Variants in CWH43 observed in about 807,000 individuals in gnomAD.
CWH43 encodes the protein cell wall biogenesis 43 C-terminal homolog.
CWH43 carries 91 observed loss-of-function variants against 85.7 expected under a neutral mutation model. The ratio of observed to expected loss-of-function variants is 1.06; its 90% CI spans 0.90 to 1.26. The LOEUF (loss-of-function observed/expected upper bound fraction) is 1.26, where lower values mean the gene tolerates loss of function less well. Ranked by LOEUF, CWH43 falls within the 50% of genes most tolerant of loss-of-function variation. CWH43 has a pLI of 0.00. For synonymous variants in CWH43, 323 were observed against 293.6 expected (o/e 1.10, Z -1.02); for missense variants, 869 against 839.2 (o/e 1.04, Z -0.44).
intron 8 of CWH43, among the ~76,000 whole-genome samples, chr4:49,013,172 T>C (rs1173441334): frequency 6.6e-6 from 1 of 152,224 alleles, no homozygotes; most frequent in Non-Finnish European, 1.5e-5. Context: ...CTGGCTGCTT[T>C]GTTTACTTAC....
At chr4:49,038,293 C>CACA in intron 13 of CWH43, 113 bp downstream of exon 13, 3 of 814,892 alleles carry the variant, frequency 3.7e-6, no homozygotes, top group Non-Finnish European at 5.7e-6. Context: ...CTATCTACTG[C>CACA]TGCCTAGAAA....
At chr4:49,043,939 CACT>C (rs966392471) in intron 13 of CWH43, among the ~76,000 whole-genome samples, 3 of 151,716 alleles carry the variant, frequency 2.0e-5, no homozygotes, top group African/African-American at 4.8e-5. Context: ...ATGTGTCTAC[CACT>C]AAGCTTAAGA....
chr4:49,038,106 A>T lies in CWH43; in HGVS notation c.1729A>T (p.Ile577Leu). ...KLLKSSSNQV[I>L]FLGYITSAPG... ...ACTGAAAAGTAGCTCTAATCAAGTG[A>T]TATTTCTGGGATATATCACTTCAGC... The change falls in exon 13 of 16, where the codon ATA (isoleucine) becomes TTA (leucine). Residue 577 changes from isoleucine (I) to leucine (L), a missense_variant. Ile to Leu is a conservative substitution (Grantham distance 5). This residue lies in a region of CWH43 where 577 missense variants were observed against 513.1 expected (regional missense o/e 1.12). Coordinates refer to ENST00000226432, the MANE Select transcript of CWH43 (RefSeq NM_025087.3). The T allele has an allele frequency of 1.2e-6, 2 of 1,613,104 alleles. No homozygotes were observed. The highest frequency in any genetic ancestry group is 1.7e-6 in the Non-Finnish European group (2 of 1,179,428).
intron 9 of CWH43, among the ~76,000 whole-genome samples, chr4:49,019,844 T>C (rs1783682960): frequency 6.6e-6 from 1 of 152,118 alleles, no homozygotes; most frequent in South Asian, 2.1e-4. Flanking sequence ...CCTCCCAAAG[T>C]GCTGGGATTA....
chr4:48,986,883 TC>T (rs1782512923), intron 1 of CWH43: 7 of 898,420 alleles, frequency 7.8e-6, no homozygotes, highest in Non-Finnish European at 9.4e-6. Context: ...GCACCCGTTT[TC>T]CCCAGGAGCT....
intron 14 of CWH43, among the ~76,000 whole-genome samples, chr4:49,046,067 T>A (rs1784612785): frequency 6.6e-6 from 1 of 152,062 alleles, no homozygotes; most frequent in Non-Finnish European, 1.5e-5. Context: ...TCTTTTTTAT[T>A]TGTTTATTTA....
At position 49,031,915 on chromosome 4, in the gene CWH43, A is replaced by C. The variant is rs78085378; in HGVS notation, c.1509-651A>C. Among the ~76,000 whole-genome samples the C allele has an allele frequency of 2.4e-3, 371 of 152,294 alleles. 2 individuals are homozygous for C. Among genetic ancestry groups the C allele is most frequent in the Non-Finnish European group, 3.6e-3 (247 of 68,028 alleles). On this transcript the variant is annotated intron_variant, in intron 11 of 15. Transcript: ENST00000226432. ...ATCAGGAGACCTTTAGGTTTGTGCT[A>C]AGTGTGAGATACCCCAAGACAGTCA...
At position 49,050,989 on chromosome 4, in the gene CWH43, T is replaced by TA. The variant is rs1190603622; in HGVS notation, c.2021+144dup. On this transcript the variant is annotated intron_variant, in intron 15 of 15. Coordinates refer to ENST00000226432, the MANE Select transcript of CWH43 (RefSeq NM_025087.3). ...GTAAGGGAGACTGTGACAAAGATGA[T>TA]AAAATCTGGTTTGGGTTGAAGTTAC... 8.4e-6 allele frequency: 5 copies of TA among 591,878 alleles called. No individual in the cohort carries two copies. The East Asian group carries it at 9.2e-5, about 11-fold the overall frequency. 36.7% of individuals were successfully genotyped at this position (591,878 alleles called of 1,614,324 possible).
intron 15 of CWH43, among the ~76,000 whole-genome samples, chr4:49,056,330 AC>A (rs1029607884): frequency 1.3e-5 from 2 of 152,076 alleles, no homozygotes; most frequent in African/African-American, 4.8e-5. Context: ...GATTTTGATT[AC>A]CAGTTCAATT....
chr4:48,991,367 G>T, intron 2 of CWH43, 87 bp from the exon 3 acceptor site: 3 of 1,403,180 alleles, frequency 2.1e-6, no homozygotes, highest in South Asian at 2.6e-5. Context: ...TATAAAGATG[G>T]TATCAGATAA....
chr4:49,048,400 A>G (rs1038248247), intron 14 of CWH43, among the ~76,000 whole-genome samples: 1 of 151,206 alleles, frequency 6.6e-6, no homozygotes, highest in Non-Finnish European at 1.5e-5. Context: ...TATAAAGTAT[A>G]TATATAAAAT....
intron 1 of CWH43, among the ~76,000 whole-genome samples, chr4:48,988,060 A>G (rs1782546445): frequency 6.6e-6 from 1 of 152,174 alleles, no homozygotes; most frequent in Non-Finnish European, 1.5e-5. Flanking sequence ...AGGGAAAGGA[A>G]CACGCAAGGG....
chr4:49,057,820 A>G (rs1459943987), intron 15 of CWH43, among the ~76,000 whole-genome samples: 1 of 152,078 alleles, frequency 6.6e-6, no homozygotes, highest in Non-Finnish European at 1.5e-5. Context: ...ATATATTTAT[A>G]ATTATTATAT....
rs71600797 is a variant in CWH43, at chr4:49,039,306, G to GATATATATATAT, written c.1803+1142_1803+1153dup. On this transcript the variant is annotated intron_variant, in intron 13 of 15. Coordinates refer to ENST00000226432, the MANE Select transcript of CWH43 (RefSeq NM_025087.3). Reference sequence around the variant, plus strand: ...ACACAAATCAAATTCTCAGGAGACTGATATATATATATATATATATATATA... The same window carrying GATATATATATAT: ...ACACAAATCAAATTCTCAGGAGACTGATATATATATATATATATATATATATATATATATATA... Among the ~76,000 whole-genome samples the GATATATATATAT allele has an allele frequency of 1.5e-3, 7 of 4,600 alleles. 1 individual carries two copies. Among genetic ancestry groups the GATATATATATAT allele is most frequent in the South Asian group, 6.8e-3 (1 of 146 alleles). 3.0% of individuals were successfully genotyped at this position (4,600 alleles called of 152,430 possible).
At chr4:49,041,034 G>T (rs1560510404) in intron 13 of CWH43, among the ~76,000 whole-genome samples, 1 of 152,142 alleles carries the variant, frequency 6.6e-6, no homozygotes, top group Non-Finnish European at 1.5e-5. Flanking sequence ...TGTCAGGTTT[G>T]TCAAAGATCA....
rs1295941900 is a variant in CWH43 at position 48,992,889 on chromosome 4, A to G, written c.511+799A>G. On this transcript the variant is annotated intron_variant, in intron 4 of 15. Coordinates refer to ENST00000226432, the MANE Select transcript of CWH43 (RefSeq NM_025087.3). The surrounding 1 kb of genome is among the most constrained non-coding windows in gnomAD (Gnocchi z 4.3). ...CTAGTTTGGCATGAAATGAGAATAGAGGGAAATTATGTCAGTAAATTGGCC... is the reference window on the plus strand; with the variant it reads ...CTAGTTTGGCATGAAATGAGAATAGGGGGAAATTATGTCAGTAAATTGGCC... Among the ~76,000 whole-genome samples, 1 of 152,210 alleles carries G rather than the reference A, an allele frequency of 6.6e-6. No homozygotes were observed. Among genetic ancestry groups the G allele is most frequent in the African/African-American group, 2.4e-5 (1 of 41,450 alleles).
chr4:49,042,273 AG>A (rs1419652088), intron 13 of CWH43, among the ~76,000 whole-genome samples: 1 of 152,198 alleles, frequency 6.6e-6, no homozygotes, highest in East Asian at 1.9e-4. Flanking sequence ...TCTGCCTTGC[AG>A]CTGATTTCCA....
At chr4:49,052,277 TCA>T (rs1246692127) in intron 15 of CWH43, among the ~76,000 whole-genome samples, 1 of 152,154 alleles carries the variant, frequency 6.6e-6, no homozygotes, top group Admixed American at 6.5e-5. Context: ...GTTCAAATCC[TCA>T]CTCTTGCCAG....
intron 13 of CWH43, among the ~76,000 whole-genome samples, chr4:49,040,302 A>G (rs930279356): frequency 6.6e-6 from 1 of 152,172 alleles, no homozygotes; most frequent in African/African-American, 2.4e-5. Flanking sequence ...CTAGTTCTAG[A>G]TTCCTGAGGA....
Sources: allele counts gnomAD v4.1 joint callset (sites outside exome capture counted in the v4.1 genomes callset), GRCh38; gene constraint gnomAD v4.1.1; regional missense constraint gnomAD v4.1.1; non-coding constraint Gnocchi (gnomAD v3.1); transcripts MANE v1.5; gene names NCBI Gene and HGNC (gene_info 2026-07-23, HGNC 2026-07-21).